The following CCBE1 variants were observed in gnomAD, a reference collection of about 807,000 sequenced individuals.
CCBE1 encodes collagen and calcium-binding EGF domain-containing protein 1.
Under a neutral mutation model 50.0 loss-of-function variants are expected in CCBE1, and 37 were observed. The observed-to-expected ratio is 0.74, with a 90% CI of 0.57 to 0.97. The LOEUF (loss-of-function observed/expected upper bound fraction) is 0.97. Among genes scored for constraint, CCBE1 ranks in the 50% least tolerant of loss-of-function variants. The pLI is 0.00. For missense variants in CCBE1, 538 were observed against 523.8 expected (o/e 1.03, Z -0.26); for synonymous variants, 234 against 203.7 (o/e 1.15, Z -1.27).
chr18:59,437,245 A>G (rs1910199954), intron 10 of CCBE1, among the ~76,000 whole-genome samples: 1 of 152,254 alleles, frequency 6.6e-6, no homozygotes, highest in African/African-American at 2.4e-5. Flanking sequence ...TGGGCTTGTC[A>G]GAAGCTTGTA....
At chr18:59,671,846 C>T (rs2054437015) in intron 2 of CCBE1, among the ~76,000 whole-genome samples, 3 of 151,532 alleles carry the variant, frequency 2.0e-5, no homozygotes, top group Admixed American at 1.3e-4. Context: ...AGTATTTACT[C>T]CTAGAGAGCA....
At chr18:59,570,899 T>C (rs2564490) in intron 2 of CCBE1, among the ~76,000 whole-genome samples, 85,113 of 152,050 alleles carry the variant, frequency 0.56, 25,424 homozygotes, top group East Asian at 0.77. Context: ...CTGTCATTTA[T>C]ATGGTCCCCT....
At position 59,447,982 on chromosome 18, in the gene CCBE1, C is replaced by T. The variant is rs1326154961; in HGVS notation, c.775+1G>A. Reference sequence around the variant, plus strand: ...CCTCCTGTGCCCTCTTCCACACTCACCGGGAGGGCCCTGGCCCCCAGGCAG... The same window carrying T: ...CCTCCTGTGCCCTCTTCCACACTCATCGGGAGGGCCCTGGCCCCCAGGCAG... On this transcript the variant is annotated splice_donor_variant, in intron 7 of 10. Coordinates refer to ENST00000439986, the MANE Select transcript of CCBE1 (RefSeq NM_133459.4). LOFTEE classifies it high-confidence loss of function. 6.2e-7 allele frequency: 1 copy of T among 1,614,138 alleles called. No homozygotes were observed. Among genetic ancestry groups the T allele is most frequent in the Admixed American group, 1.7e-5 (1 of 60,028 alleles).
intron 5 of CCBE1, among the ~76,000 whole-genome samples, chr18:59,461,626 A>G (rs4313896): frequency 0.44 from 67,520 of 151,748 alleles, 15,312 homozygotes; most frequent in Middle Eastern, 0.59. Context: ...CACCCTTAGT[A>G]GAGTCATATC....
At chr18:59,619,640 T>C (rs1262265950) in intron 2 of CCBE1, among the ~76,000 whole-genome samples, 1 of 152,234 alleles carries the variant, frequency 6.6e-6, no homozygotes, top group East Asian at 1.9e-4. Flanking sequence ...AAAGACTTAA[T>C]TTTAAAAAGT....
At chr18:59,471,231 C>T (rs892074111) in intron 3 of CCBE1, among the ~76,000 whole-genome samples, 7 of 152,226 alleles carry the variant, frequency 4.6e-5, no homozygotes, top group African/African-American at 1.7e-4. Context: ...ACCATTTCTG[C>T]TTCCCTGAGG....
At chr18:59,610,457 A>G (rs186321181) in intron 2 of CCBE1, among the ~76,000 whole-genome samples, 1 of 151,070 alleles carries the variant, frequency 6.6e-6, no homozygotes, top group East Asian at 2.0e-4. Context: ...ACATACCACT[A>G]GAACAGAAAA....
At chr18:59,486,609 G>T (rs778986566) in intron 2 of CCBE1, among the ~76,000 whole-genome samples, 7 of 152,182 alleles carry the variant, frequency 4.6e-5, no homozygotes, top group Middle Eastern at 3.2e-3. Flanking sequence ...TACCTGGGAG[G>T]CTCCAGGGGT....
chr18:59,573,409 T>C (rs141691281), intron 2 of CCBE1, among the ~76,000 whole-genome samples: 15 of 151,392 alleles, frequency 9.9e-5, no homozygotes, highest in African/African-American at 3.4e-4. Flanking sequence ...AAAATCTGCC[T>C]GTGTTTCCAG....
At chr18:59,678,349 C>T (rs1256009018) in intron 2 of CCBE1, among the ~76,000 whole-genome samples, 1 of 151,996 alleles carries the variant, frequency 6.6e-6, no homozygotes, top group Non-Finnish European at 1.5e-5. Context: ...CTAACTGCTG[C>T]AATTTAAATA....
intron 2 of CCBE1, among the ~76,000 whole-genome samples, chr18:59,523,599 T>A (rs1914696984): frequency 6.6e-6 from 1 of 152,172 alleles, no homozygotes; most frequent in Non-Finnish European, 1.5e-5. Context: ...AAAATATAAA[T>A]TGTAATAACC....
At chr18:59,648,658 C>T (rs941723560) in intron 2 of CCBE1, among the ~76,000 whole-genome samples, 8 of 152,276 alleles carry the variant, frequency 5.3e-5, no homozygotes, top group Admixed American at 1.3e-4. Context: ...GCCAGGATCA[C>T]GCCACTGCAC....
chr18:59,687,085 T>A (rs891311), intron 2 of CCBE1, among the ~76,000 whole-genome samples: 1 of 152,082 alleles, frequency 6.6e-6, no homozygotes, highest in African/African-American at 2.4e-5. Flanking sequence ...CACAAAAAAA[T>A]TGAGCCATTT....
intron 3 of CCBE1, 148 bp from the exon 4 acceptor site, chr18:59,469,755 A>G: frequency 2.0e-6 from 2 of 1,025,290 alleles, no homozygotes; most frequent in Admixed American, 3.7e-5. Flanking sequence ...GGAACTCTTT[A>G]GGGCTGTGGG....
At chr18:59,456,642 C>T (rs1427548259) in intron 5 of CCBE1, among the ~76,000 whole-genome samples, 1 of 152,194 alleles carries the variant, frequency 6.6e-6, no homozygotes, top group Non-Finnish European at 1.5e-5. Context: ...GTTTCAGCCA[C>T]TTAATTTGTG....
At chr18:59,617,942 C>T (rs952344500) in intron 2 of CCBE1, among the ~76,000 whole-genome samples, 2 of 152,164 alleles carry the variant, frequency 1.3e-5, no homozygotes, top group African/African-American at 4.8e-5. Context: ...AAATTCCATA[C>T]ATTGACAGCT....
At chr18:59,539,864 T>C (rs889644677) in intron 2 of CCBE1, among the ~76,000 whole-genome samples, 19 of 152,342 alleles carry the variant, frequency 1.2e-4, no homozygotes, top group African/African-American at 4.6e-4. Flanking sequence ...CTTTCTATAG[T>C]TTACATTTTA....
chr18:59,658,411 ATAT>A (rs2054233747), intron 2 of CCBE1, among the ~76,000 whole-genome samples: 4 of 69,168 alleles, frequency 5.8e-5, no homozygotes, highest in African/African-American at 1.1e-4. Flanking sequence ...ATATATATAT[ATAT>A]ATAAAGTTAG....
At chr18:59,612,911 A>T (rs2053592440) in intron 2 of CCBE1, among the ~76,000 whole-genome samples, 1 of 149,060 alleles carries the variant, frequency 6.7e-6, no homozygotes, top group Admixed American at 6.9e-5. Flanking sequence ...GAAGAAAAGA[A>T]TTCCTAGTCT....
Sources: gnomAD v4.1 joint callset for allele counts (sites outside exome capture counted in the v4.1 genomes callset) on GRCh38, gnomAD v4.1.1 for gene constraint, MANE v1.5 for transcripts, NCBI Gene and HGNC (gene_info 2026-07-23, HGNC 2026-07-21) for gene names.